The following SEC31A variants were observed in gnomAD, a reference collection of about 807,000 sequenced individuals.
SEC31A encodes the protein protein transport protein Sec31A.
A neutral mutation model predicts 151.0 loss-of-function variants in SEC31A; 70 were observed. The ratio of observed to expected loss-of-function variants is 0.46; its 90% CI spans 0.38 to 0.57. The LOEUF (loss-of-function observed/expected upper bound fraction) is 0.57, where lower values mean the gene tolerates loss of function less well. Ranked by LOEUF, SEC31A falls within the 20% of genes least tolerant of loss-of-function variation. SEC31A has a pLI of 0.00. For synonymous variants in SEC31A, 475 were observed against 505.9 expected (o/e 0.94, Z 0.82); for missense variants, 1,330 against 1,471.2 (o/e 0.90, Z 1.57).
chr4:82,841,347 C>T (rs1000151280), intron 22 of SEC31A, among the ~76,000 whole-genome samples: 2 of 149,924 alleles, frequency 1.3e-5, no homozygotes, highest in Admixed American at 6.7e-5. Context: ...CGCTTGAACC[C>T]GGGAGACGGA....
rs576950697 is a variant in SEC31A, at chr4:82,873,296, T to C, written c.640-1210A>G. ...TTGCCTGAACCCAGGAGGCGGAGGTTGCAGTGCCATGATTGCGCCCCTACA... is the reference window on the plus strand; with the variant it reads ...TTGCCTGAACCCAGGAGGCGGAGGTCGCAGTGCCATGATTGCGCCCCTACA... On this transcript the variant is annotated intron_variant, in intron 6 of 26. Transcript: ENST00000395310. Among the ~76,000 whole-genome samples, 152 of 151,142 alleles carry C rather than the reference T, an allele frequency of 1.0e-3. 1 individual carries two copies. Among genetic ancestry groups the C allele is most frequent in the African/African-American group, 3.6e-3 (148 of 41,138 alleles).
Position 82,851,601 on chromosome 4 carries a change from G to C in SEC31A, c.2158C>G (p.Leu720Val). ...DGSHPLSLQD[L>V]IEKVVILRKA... ...CGCAGGATGACAACTTTCTCAATCA[G>C]ATCCTAAATGAAAAAAATGAGTAAC... Residue 720 changes from leucine to valine, a missense_variant, in exon 19 of 27, where the codon CTG (leucine) becomes GTG (valine). Physicochemically the swap from Leu to Val is conservative, Grantham distance 32. Transcript: ENST00000395310. 1 of 1,602,598 alleles carries C rather than the reference G, an allele frequency of 6.2e-7. No individual in the cohort carries two copies. The highest frequency in any genetic ancestry group is 8.5e-7 in the Non-Finnish European group (1 of 1,172,886).
At chr4:82,827,961 C>T (rs1578123085) in intron 23 of SEC31A, among the ~76,000 whole-genome samples, 2 of 151,740 alleles carry the variant, frequency 1.3e-5, no homozygotes, top group African/African-American at 2.4e-5. Context: ...GTCGCCCAGG[C>T]TGAAGTGCAA....
chr4:82,879,950 C>A (rs11099555), intron 3 of SEC31A, among the ~76,000 whole-genome samples: 1 of 152,214 alleles, frequency 6.6e-6, no homozygotes, highest in Non-Finnish European at 1.5e-5. Flanking sequence ...TTAATACTTA[C>A]GATGACTACT....
intron 25 of SEC31A, among the ~76,000 whole-genome samples, chr4:82,822,983 G>A (rs13104805): frequency 0.18 from 27,720 of 151,524 alleles, 2,783 homozygotes; most frequent in South Asian, 0.34. Flanking sequence ...CAAAAAAAAA[G>A]AAAAACAAAG....
At chr4:82,860,710 A>G (rs1351915239) in intron 14 of SEC31A, among the ~76,000 whole-genome samples, 5 of 151,982 alleles carry the variant, frequency 3.3e-5, no homozygotes, top group Non-Finnish European at 7.4e-5. Context: ...CATAGCCTCA[A>G]GTGATCCTCC....
At chr4:82,835,902 T>C (rs1337420916) in intron 22 of SEC31A, among the ~76,000 whole-genome samples, 1 of 152,174 alleles carries the variant, frequency 6.6e-6, no homozygotes, top group Non-Finnish European at 1.5e-5. Context: ...CCCATTAGGA[T>C]GGCTATTGAA....
At chr4:82,870,582 C>T (rs1278737297) in intron 7 of SEC31A, among the ~76,000 whole-genome samples, 158 bp from the exon 8 acceptor site, 1 of 152,122 alleles carries the variant, frequency 6.6e-6, no homozygotes, top group Non-Finnish European at 1.5e-5. Context: ...CCTGTAATGC[C>T]AACTACTCAG....
intron 2 of SEC31A, 30 bp from the exon 3 acceptor site, chr4:82,880,952 C>T (rs375859028): frequency 2.6e-5 from 40 of 1,555,116 alleles, no homozygotes; most frequent in Non-Finnish European, 3.1e-5. Flanking sequence ...GGTAACTATA[C>T]ACACAAAAAT....
At chr4:82,858,495 G>A (rs1481276119) in intron 14 of SEC31A, among the ~76,000 whole-genome samples, 1 of 125,346 alleles carries the variant, frequency 8.0e-6, no homozygotes, top group African/African-American at 2.9e-5. Context: ...AGTGAGTTGA[G>A]ATTGCGCCAC....
intron 1 of SEC31A, among the ~76,000 whole-genome samples, chr4:82,888,801 C>T (rs1008813587): frequency 6.6e-6 from 1 of 151,988 alleles, no homozygotes; most frequent in African/African-American, 2.4e-5. Context: ...TAGGTGGAAA[C>T]TTTTTTATTT....
intron 19 of SEC31A, among the ~76,000 whole-genome samples, 172 bp from the exon 20 acceptor site, chr4:82,849,149 A>C (rs2149329520): frequency 6.6e-6 from 1 of 152,306 alleles, no homozygotes; most frequent in East Asian, 1.9e-4. Flanking sequence ...CTACTACTCA[A>C]GACTGGCACC....
chr4:82,853,618 A>T lies in SEC31A; in HGVS notation c.2106T>A (p.Val702=). Residue 702 remains valine (V), a synonymous_variant, in exon 18 of 27, where the codon GTT becomes GTA. Coordinates refer to ENST00000395310, the MANE Select transcript of SEC31A (RefSeq NM_001077207.4). ...CATCTTGAGCTTTAGTCCAACATGC[A>T]ACTAATTTCTCTACATTCCCTGCAC... ...YICAGNVEKL[V]ACWTKAQDGS... 6.2e-7 allele frequency: 1 copy of T among 1,600,278 alleles called. No individual in the cohort carries two copies. The highest frequency in any genetic ancestry group is 1.1e-5 in the South Asian group (1 of 88,180).
At position 82,832,576 on chromosome 4, in the gene SEC31A, C is replaced by T. The variant is rs534444630; in HGVS notation, c.2969-3518G>A. Among the ~76,000 whole-genome samples, 14 of 152,172 alleles carry T rather than the reference C, an allele frequency of 9.2e-5. 1 individual carries two copies. Among genetic ancestry groups the T allele is most frequent in the African/African-American group, 3.1e-4 (13 of 41,538 alleles). ...TGACAAATGGGATCTAATTAAAGAG[C>T]TTCTGCACAGCAAAAGAAACTATCA... is the stretch of plus-strand genomic sequence containing the variant. On this transcript the variant is annotated intron_variant, in intron 22 of 26. Transcript: ENST00000395310.
intron 10 of SEC31A, among the ~76,000 whole-genome samples, chr4:82,865,536 G>GTATA (rs55681370): frequency 7.4e-4 from 102 of 137,122 alleles, no homozygotes; most frequent in Middle Eastern, 4.2e-3. Context: ...AAAAAATGTG[G>GTATA]TATATATATA....
chr4:82,851,369 C>T (rs965877883), intron 19 of SEC31A, 62 bp downstream of exon 19: 5 of 1,325,142 alleles, frequency 3.8e-6, no homozygotes, highest in South Asian at 2.7e-5. Context: ...ACATCTAATG[C>T]TAAGTGTTAT....
chr4:82,821,390 T>C lies in SEC31A; in HGVS notation c.3412-282A>G, dbSNP rs111899068. ...GGTGAAACCCTGTCTCTACTAAAAA[T>C]ACAAAAAATTTGCTGGGCGTAGTGG... On this transcript the variant is annotated intron_variant, in intron 25 of 26. Coordinates refer to ENST00000395310, the MANE Select transcript of SEC31A (RefSeq NM_001077207.4). The C allele has an allele frequency of 2.8e-3, 704 of 250,612 alleles. 11 individuals carry two copies. Among genetic ancestry groups the C allele is most frequent in the African/African-American group, 0.015 (655 of 43,258 alleles). 15.5% of individuals were successfully genotyped at this position (250,612 alleles called of 1,614,324 possible).
At chr4:82,830,929 C>T (rs1317566894) in intron 22 of SEC31A, 2 of 1,199,324 alleles carry the variant, frequency 1.7e-6, no homozygotes, top group Non-Finnish European at 2.1e-6. Flanking sequence ...ATTTTACAAC[C>T]AATTCACCTT....
At chr4:82,871,635 G>A (rs2125685506) in intron 7 of SEC31A, 2 of 539,780 alleles carry the variant, frequency 3.7e-6, no homozygotes, top group South Asian at 5.0e-5. Context: ...AATTAGCTGG[G>A]CGTGGTGGCG....
Sources: allele counts gnomAD v4.1 joint callset (sites outside exome capture counted in the v4.1 genomes callset), GRCh38; gene constraint gnomAD v4.1.1; transcripts MANE v1.5; gene names NCBI Gene and HGNC (gene_info 2026-07-23, HGNC 2026-07-21).